The following SUDS3 variants were observed in gnomAD, a reference collection of about 807,000 sequenced individuals.
The protein encoded by SUDS3 is sin3 histone deacetylase corepressor complex component SDS3.
In SUDS3, 23 loss-of-function variants were observed where a neutral mutation model predicts 53.5. The observed-to-expected ratio is 0.43, with a 90% confidence interval of 0.31 to 0.61. The LOEUF (loss-of-function observed/expected upper bound fraction) is 0.61, where lower values mean the gene tolerates loss of function less well. SUDS3 is among the 20% of genes least tolerant of loss of function. The pLI is 0.10. For synonymous variants in SUDS3, 150 were observed against 148.5 expected (o/e 1.01, Z -0.08); for missense variants, 291 against 405.9 (o/e 0.72, Z 2.43).
At chr12:118,393,147 T>A (rs1271212883) in intron 6 of SUDS3, among the ~76,000 whole-genome samples, 1 of 152,176 alleles carries the variant, frequency 6.6e-6, no homozygotes, top group Non-Finnish European at 1.5e-5. Flanking sequence ...GCTAGAAGGG[T>A]AATTAACATT....
At chr12:118,378,372 A>G (rs1381869603) in intron 1 of SUDS3, among the ~76,000 whole-genome samples, 1 of 152,196 alleles carries the variant, frequency 6.6e-6, no homozygotes, top group Non-Finnish European at 1.5e-5. Flanking sequence ...TTCAGGAAAA[A>G]AATTGGATCT....
chr12:118,386,290 A>AG, intron 4 of SUDS3, 105 bp downstream of exon 4: 1 of 893,332 alleles, frequency 1.1e-6, no homozygotes, highest in Non-Finnish European at 1.7e-6. Flanking sequence ...CATATCCCAG[A>AG]TACTCTGTCA....
At chr12:118,379,610 C>A (rs2046035401) in intron 1 of SUDS3, among the ~76,000 whole-genome samples, 1 of 152,170 alleles carries the variant, frequency 6.6e-6, no homozygotes. Context: ...GCGAAGGGTT[C>A]CAACTGGGTA....
At chr12:118,413,348 A>G (rs1237406431) in intron 11 of SUDS3, among the ~76,000 whole-genome samples, 1 of 152,236 alleles carries the variant, frequency 6.6e-6, no homozygotes, top group Non-Finnish European at 1.5e-5. Context: ...ACAGAAAAAC[A>G]GGCAAGAAGA....
chr12:118,383,876 GACTTT>G (rs2046089973), intron 2 of SUDS3, 131 bp from the exon 3 acceptor site: 2 of 713,646 alleles, frequency 2.8e-6, no homozygotes, highest in Non-Finnish European at 4.7e-6. Context: ...CCAGCAAGCA[GACTTT>G]ACTTTCCTCT....
chr12:118,379,484 TA>T (rs2046033870), intron 1 of SUDS3, among the ~76,000 whole-genome samples: 1 of 152,132 alleles, frequency 6.6e-6, no homozygotes, highest in African/African-American at 2.4e-5. Flanking sequence ...TATATGCAAA[TA>T]CTATGCCATT....
chr12:118,398,726 G>A lies in SUDS3; in HGVS notation c.518-1933G>A, dbSNP rs909478880. On this transcript the variant is annotated intron_variant, in intron 6 of 11. Transcript: ENST00000543473. The stretch of plus-strand genomic sequence containing the variant: ...AGCTGCCCTGCCTGTTCTGCTGATT[G>A]TGTGCATAATCACAAATTAACTTCC... 2.8e-5 allele frequency among the ~76,000 whole-genome samples: 4 copies of A among 142,258 alleles called. No homozygotes were observed. The Admixed American group carries it at 3.0e-4, about 11-fold the overall frequency. The allele number at this position is 142,258 out of a possible 152,430, so 93.3% of individuals were successfully genotyped here.
intron 2 of SUDS3, among the ~76,000 whole-genome samples, chr12:118,380,817 G>A (rs2046051369): frequency 6.6e-6 from 1 of 152,130 alleles, no homozygotes. Context: ...TGATTCTCCT[G>A]CCTCAGCCTC....
At chr12:118,398,340 C>A (rs1477492038) in intron 6 of SUDS3, among the ~76,000 whole-genome samples, 3 of 152,148 alleles carry the variant, frequency 2.0e-5, no homozygotes, top group Non-Finnish European at 1.5e-5. Context: ...GATTCAAACG[C>A]ACGTTTGTGT....
chr12:118,414,595 CG>C lies in SUDS3; in HGVS notation c.*164del. The C allele has an allele frequency of 1.9e-6, 1 of 516,684 alleles. No individual in the cohort carries two copies. Among genetic ancestry groups the C allele is most frequent in the South Asian group, 3.1e-5 (1 of 32,076 alleles). 32.0% of individuals were successfully genotyped at this position (516,684 alleles called of 1,614,324 possible). The stretch of plus-strand genomic sequence containing the variant: ...GAATTCTTTAGGGCACTTTTGTGGC[CG>C]GATGCTTCCAACTTTGTCAGTCTTT... On this transcript the variant is annotated 3_prime_UTR_variant, in exon 12 of 12. Coordinates refer to ENST00000543473, the MANE Select transcript of SUDS3 (RefSeq NM_022491.3).
chr12:118,391,124 A>G lies in SUDS3; in HGVS notation c.361-2A>G. ...CCCAGCCCGTGTTTCTCTTTTGCTC[A>G]GACTGAACAAGTGGAACGAAATTAC... On this transcript the variant is annotated splice_acceptor_variant, in intron 5 of 11. Coordinates refer to ENST00000543473, the MANE Select transcript of SUDS3 (RefSeq NM_022491.3). LOFTEE classifies it high-confidence loss of function. 6.2e-7 allele frequency: 1 copy of G among 1,612,520 alleles called. No individual in the cohort carries two copies. Among genetic ancestry groups the G allele is most frequent in the Non-Finnish European group, 8.5e-7 (1 of 1,179,526 alleles).
intron 6 of SUDS3, among the ~76,000 whole-genome samples, chr12:118,396,303 T>G (rs1161454294): frequency 6.6e-6 from 1 of 152,232 alleles, no homozygotes; most frequent in African/African-American, 2.4e-5. Flanking sequence ...CCACCCAGGT[T>G]GGAGTGCAGT....
chr12:118,391,095 T>C (rs1566200836), intron 5 of SUDS3, 31 bp from the exon 6 acceptor site: 1 of 1,610,554 alleles, frequency 6.2e-7, no homozygotes, highest in Non-Finnish European at 8.5e-7. Flanking sequence ...CAGGGCTGTG[T>C]ACTCCCAGCC....
chr12:118,391,321 A>T (rs773837500), intron 6 of SUDS3, 39 bp downstream of exon 6: 2 of 1,568,604 alleles, frequency 1.3e-6, no homozygotes, highest in South Asian at 2.4e-5. Context: ...GGGGGCCCTG[A>T]GCGGGGGGGT....
chr12:118,407,982 A>G (rs2141390163), intron 10 of SUDS3, among the ~76,000 whole-genome samples: 1 of 149,522 alleles, frequency 6.7e-6, no homozygotes, highest in African/African-American at 2.5e-5. Context: ...GCTCACTGCA[A>G]CCTCCGCCTC....
chr12:118,384,831 C>CAA (rs879854991), intron 3 of SUDS3, among the ~76,000 whole-genome samples: 5 of 126,518 alleles, frequency 4.0e-5, no homozygotes, highest in East Asian at 4.5e-4. Context: ...GACTCAGTCT[C>CAA]AAAAAAAAAA....
At chr12:118,396,071 C>T (rs904683775) in intron 6 of SUDS3, among the ~76,000 whole-genome samples, 1 of 152,110 alleles carries the variant, frequency 6.6e-6, no homozygotes, top group African/African-American at 2.4e-5. Context: ...TGATGGCGCC[C>T]TCCATCCTGC....
chr12:118,378,002 A>C (rs2046017467), intron 1 of SUDS3, among the ~76,000 whole-genome samples: 1 of 152,214 alleles, frequency 6.6e-6, no homozygotes, highest in South Asian at 2.1e-4. Flanking sequence ...GAGGGACTGC[A>C]TTCGATTTAA....
chr12:118,413,500 G>T (rs954351245), intron 11 of SUDS3, among the ~76,000 whole-genome samples: 8 of 152,338 alleles, frequency 5.3e-5, no homozygotes, highest in South Asian at 2.1e-4. Context: ...TTATTTCATA[G>T]GGTTGTCTTG....
Sources: gnomAD v4.1 joint callset for allele counts (sites outside exome capture counted in the v4.1 genomes callset) on GRCh38, gnomAD v4.1.1 for gene constraint, MANE v1.5 for transcripts, NCBI Gene and HGNC (gene_info 2026-07-23, HGNC 2026-07-21) for gene names.